Variants in SULT1C3 observed in about 807,000 individuals in gnomAD.
SULT1C3 encodes sulfotransferase family 1C member 3, also known as sulfotransferase 1C3.
A neutral mutation model predicts 28.4 loss-of-function variants in SULT1C3; 31 were observed. The ratio of observed to expected loss-of-function variants is 1.09; its 90% CI spans 0.82 to 1.47. The LOEUF is 1.47. SULT1C3 is among the 40% of genes most tolerant of loss of function. The pLI, the probability that SULT1C3 is intolerant of heterozygous loss-of-function variation, is 0.00. For missense variants in SULT1C3, 307 were observed against 272.5 expected, an observed-to-expected ratio of 1.13 and a Z score of -0.89; for synonymous variants, 106 against 92.2, an observed-to-expected ratio of 1.15 and a Z score of -0.86.
At chr2:108,265,314 T>C (rs1443885423), downstream of SULT1C3, 1 of 1,613,964 alleles carries the variant, frequency 6.2e-7, no homozygotes. Flanking sequence ...CAGAAGAAGA[T>C]GGCAGGAAGC....
chr2:108,244,532 C>T (rs1675535521), intron 1 of SULT1C3, among the ~76,000 whole-genome samples: 1 of 152,124 alleles, frequency 6.6e-6, no homozygotes, highest in Admixed American at 6.6e-5. Flanking sequence ...CTATAGGAGA[C>T]ATATTACTTA....
At chr2:108,257,201 T>C (rs1228215045) in intron 5 of SULT1C3, among the ~76,000 whole-genome samples, 3 of 151,918 alleles carry the variant, frequency 2.0e-5, no homozygotes, top group Non-Finnish European at 4.4e-5. Flanking sequence ...CTTTATGCAA[T>C]CACCTGAAGG....
intron 2 of SULT1C3, among the ~76,000 whole-genome samples, 199 bp from the exon 3 acceptor site, chr2:108,252,164 TAG>T: frequency 6.6e-6 from 1 of 151,450 alleles, no homozygotes; most frequent in Non-Finnish European, 1.5e-5. Flanking sequence ...GATAGATAGA[TAG>T]ATAGATAGAT....
Position 108,255,677 on chromosome 2 carries a change from G to T in SULT1C3, c.505G>T (p.Glu169Ter). ...TCCTCAGAACTTAGAGGAATTTTAT[G>T]AGAAATTCATGTCCGGAAAAGGTGA... is the stretch of plus-strand genomic sequence containing the variant. ...PDPQNLEEFY[E>*]KFMSGKVVGG... is the part of the protein sequence containing the mutation. Residue 169 changes from glutamate to a stop codon, truncating the protein, a stop_gained, in exon 5 of 8, where the codon GAG (glutamate) becomes TAG (stop). Transcript: ENST00000681802. LOFTEE classifies it high-confidence loss of function. The T allele has an allele frequency of 6.2e-7, 1 of 1,610,940 alleles. No individual in the cohort carries two copies. The highest frequency in any genetic ancestry group is 1.1e-5 in the South Asian group (1 of 90,942).
intron 1 of SULT1C3, among the ~76,000 whole-genome samples, chr2:108,241,289 T>C (rs1324824055): frequency 6.6e-6 from 1 of 152,250 alleles, no homozygotes; most frequent in Non-Finnish European, 1.5e-5. Flanking sequence ...AAATGGATTA[T>C]TGTCACACTG....
downstream of SULT1C3, among the ~76,000 whole-genome samples, chr2:108,262,222 T>C (rs935759033): frequency 1.1e-4 from 17 of 152,096 alleles, no homozygotes; most frequent in African/African-American, 4.1e-4. Context: ...CTGTGCTTTG[T>C]AATTGGAGAC....
chr2:108,262,420 CAG>C (rs1411106728), downstream of SULT1C3, among the ~76,000 whole-genome samples: 1 of 152,166 alleles, frequency 6.6e-6, no homozygotes, highest in Non-Finnish European at 1.5e-5. Flanking sequence ...ACCTTGGACT[CAG>C]AGTATTGATG....
In SULT1C3 at chr2:108,255,522, T is replaced by G. The variant is rs531513567; in HGVS notation, c.400-50T>G. 1.4e-5 allele frequency: 23 copies of G among 1,593,382 alleles called. No individual in the cohort carries two copies. In the South Asian group the frequency reaches 2.5e-4, roughly 17 times the overall value. On this transcript the variant is annotated intron_variant, in intron 4 of 7. Transcript: ENST00000681802. Reference sequence around the variant, plus strand: ...TTGAAACACTCACTTGAGTATTTCATGTCAGTCTATTTTTCTCTCCATGGC... The same window carrying G: ...TTGAAACACTCACTTGAGTATTTCAGGTCAGTCTATTTTTCTCTCCATGGC...
At chr2:108,262,136 G>A (rs187805249), downstream of SULT1C3, among the ~76,000 whole-genome samples, 160 of 152,084 alleles carry the variant, frequency 1.1e-3, no homozygotes, top group Non-Finnish European at 1.6e-3. Flanking sequence ...ATTCCCTAAA[G>A]GTATAGCAAG....
At chr2:108,256,357 C>T (rs1675867476) in intron 5 of SULT1C3, among the ~76,000 whole-genome samples, 2 of 152,026 alleles carry the variant, frequency 1.3e-5, no homozygotes, top group Non-Finnish European at 2.9e-5. Context: ...AATCTCTAGA[C>T]AGAAGAAAGA....
intron 1 of SULT1C3, among the ~76,000 whole-genome samples, chr2:108,243,843 T>C (rs999111285): frequency 7.9e-5 from 12 of 152,216 alleles, no homozygotes; most frequent in African/African-American, 2.4e-4. Flanking sequence ...AACTGGCTTA[T>C]ATGATTTTTT....
At chr2:108,246,191 C>T (rs1261256368) in intron 1 of SULT1C3, among the ~76,000 whole-genome samples, 1 of 152,148 alleles carries the variant, frequency 6.6e-6, no homozygotes, top group Non-Finnish European at 1.5e-5. Context: ...CTAGAAAGTT[C>T]CAAACTTTCC....
chr2:108,253,868 T>C (rs963232605), intron 4 of SULT1C3, among the ~76,000 whole-genome samples: 8 of 152,010 alleles, frequency 5.3e-5, no homozygotes, highest in Admixed American at 5.2e-4. Flanking sequence ...ATCTACTCAA[T>C]AAACTAAGCT....
At chr2:108,242,265 T>C (rs1173283923) in intron 1 of SULT1C3, among the ~76,000 whole-genome samples, 1 of 152,202 alleles carries the variant, frequency 6.6e-6, no homozygotes, top group Non-Finnish European at 1.5e-5. Flanking sequence ...TTTAAGCCAA[T>C]CAATTAGAGC....
intron 2 of SULT1C3, among the ~76,000 whole-genome samples, chr2:108,247,858 T>A (rs1675626840): frequency 6.6e-6 from 1 of 152,174 alleles, no homozygotes; most frequent in African/African-American, 2.4e-5. Flanking sequence ...TGACCTTGAT[T>A]TAAAATGCCT....
chr2:108,256,021 A>G (rs575615452), intron 5 of SULT1C3, among the ~76,000 whole-genome samples: 1 of 152,026 alleles, frequency 6.6e-6, no homozygotes. Context: ...GCATGAGATG[A>G]TATCCTGCGG....
chr2:108,250,937 C>T lies in SULT1C3; in HGVS notation c.173-1428C>T, dbSNP rs149798640. ...GAATTACTGATAGCAACAGACACAA[C>T]GTTCTACTCTTATCTATGGTAATGG... On this transcript the variant is annotated intron_variant, in intron 2 of 7. Coordinates refer to ENST00000681802, the MANE Select transcript of SULT1C3 (RefSeq NM_001320878.2). Among the ~76,000 whole-genome samples the T allele has an allele frequency of 2.9e-3, 440 of 152,082 alleles. 1 individual carries two copies. Among genetic ancestry groups the T allele is most frequent in the Non-Finnish European group, 3.7e-3 (250 of 67,932 alleles).
Position 108,260,839 on chromosome 2 carries a change from T to C in SULT1C3, c.*159T>C, listed in dbSNP as rs1285150067. ...TAATATTAAAACATGATTTAAAATA[T>C]CAACAAACCAGTTACTCCAGTAAAT... On this transcript the variant is annotated 3_prime_UTR_variant, in exon 8 of 8. Transcript: ENST00000681802. Among the ~76,000 whole-genome samples, 1 of 152,152 alleles carries C rather than the reference T, an allele frequency of 6.6e-6. No homozygotes were observed. The highest frequency in any genetic ancestry group is 2.4e-5 in the African/African-American group (1 of 41,446).
At chr2:108,262,130 C>T (rs867415273), downstream of SULT1C3, among the ~76,000 whole-genome samples, 1 of 151,916 alleles carries the variant, frequency 6.6e-6, no homozygotes, top group African/African-American at 2.4e-5. Flanking sequence ...TCTAGTATTC[C>T]CTAAAGGTAT....
Sources: allele counts gnomAD v4.1 joint callset (sites outside exome capture counted in the v4.1 genomes callset), GRCh38; gene constraint gnomAD v4.1.1; transcripts MANE v1.5; gene names NCBI Gene and HGNC (gene_info 2026-07-23, HGNC 2026-07-21).